GSDMA: variants seen among roughly 807,000 people sequenced by gnomAD.
GSDMA encodes gasdermin-A.
In GSDMA, 55 loss-of-function variants were observed where a neutral mutation model predicts 54.3. That is an observed-to-expected ratio of 1.01 (90% CI 0.82 to 1.27). GSDMA has a LOEUF of 1.27. Ranked by LOEUF, GSDMA falls within the 50% of genes most tolerant of loss-of-function variation. The pLI is 0.00. For missense variants in GSDMA, 542 were observed against 542.6 expected (o/e 1.00, Z 0.01); for synonymous variants, 211 against 224.7 (o/e 0.94, Z 0.54).
In GSDMA at chr17:39,970,633, C is replaced by T. The variant is rs553099772; in HGVS notation, c.544C>T (p.Pro182Ser). The change falls in exon 4 of 12, where the codon CCA becomes TCA. Residue 182 changes from proline (P) to serine (S), a missense_variant. By Grantham distance (74) the Pro-to-Ser change is moderately conservative. Coordinates refer to ENST00000301659, the MANE Select transcript of GSDMA (RefSeq NM_178171.5). The part of the protein sequence containing the change: ...EACFSLPFFA[P>S]LGLQGSINHK... The stretch of plus-strand genomic sequence containing the variant: ...CTGCTTCTCCCTCCCCTTCTTCGCC[C>T]CATTGGGGCTACAGGTTTGATTCAA... 2.8e-4 allele frequency: 440 copies of T among 1,546,252 alleles called. 9 individuals carry two copies. The South Asian group carries it at 4.9e-3, about 17-fold the overall frequency.
intron 9 of GSDMA, 111 bp downstream of exon 9, chr17:39,974,538 G>T (rs139116818): frequency 1.6e-6 from 2 of 1,223,434 alleles, no homozygotes; most frequent in East Asian, 5.1e-5. Flanking sequence ...CAGGAGGTGG[G>T]TGGCCAGGGG....
At chr17:39,972,938 C>T (rs1236751977) in intron 7 of GSDMA, among the ~76,000 whole-genome samples, 2 of 151,990 alleles carry the variant, frequency 1.3e-5, no homozygotes, top group African/African-American at 4.8e-5. Context: ...CAAGACCAGC[C>T]TGGGCAACAT....
At chr17:39,974,703 T>C (rs1051828343) in intron 9 of GSDMA, among the ~76,000 whole-genome samples, 197 bp from the exon 10 acceptor site, 1 of 152,170 alleles carries the variant, frequency 6.6e-6, no homozygotes, top group Non-Finnish European at 1.5e-5. Context: ...CTGGAGGGGC[T>C]GGAACCTTCT....
Position 39,976,274 on chromosome 17 carries a change from A to G in GSDMA, c.1095+277A>G, listed in dbSNP as rs202135368. ...TTATTCCTAGCCAAATATTGTAAGC[A>G]AATTTTTTTTTTTTTTTTTTTGAGA... On this transcript the variant is annotated intron_variant, in intron 11 of 11. Transcript: ENST00000301659. Among the ~76,000 whole-genome samples the G allele has an allele frequency of 1.6e-4, 15 of 91,756 alleles. 1 individual carries two copies. The East Asian group carries it at 4.6e-3, about 28-fold the overall frequency. 60.2% of individuals were successfully genotyped at this position (91,756 alleles called of 152,430 possible).
At chr17:39,966,497 G>A in intron 3 of GSDMA, 60 bp downstream of exon 3, 1 of 1,427,882 alleles carries the variant, frequency 7.0e-7, no homozygotes, top group Non-Finnish European at 9.5e-7. Flanking sequence ...CATGGAAATG[G>A]TGCTTGGGGC....
rs1261526905 is a variant in GSDMA, at chr17:39,966,255, T to C, written c.215-5T>C. ...CCAGCCCCTTTTGTCTTTTCCCTCC[T>C]GCAGACCCAACAGACACTGGGAATT... On this transcript the variant is annotated splice_region_variant and splice_polypyrimidine_tract_variant and intron_variant, in intron 2 of 11. Coordinates refer to ENST00000301659, the MANE Select transcript of GSDMA (RefSeq NM_178171.5). 1 of 1,613,904 alleles carries C rather than the reference T, an allele frequency of 6.2e-7. No individual in the cohort carries two copies. The highest frequency in any genetic ancestry group is 1.7e-5 in the Admixed American group (1 of 60,004).
In GSDMA at chr17:39,965,700, G is replaced by A. The variant is rs1182490157; in HGVS notation, c.13G>A (p.Glu5Lys). 4 of 1,605,964 alleles carry A rather than the reference G, an allele frequency of 2.5e-6. No individual in the cohort carries two copies. In the African/African-American group the frequency reaches 4.0e-5, roughly 16 times the overall value. Residue 5 changes from glutamate to lysine, a missense_variant, in exon 2 of 12, where the codon GAA becomes AAA. By Grantham distance (56) the Glu-to-Lys change is moderately conservative (BLOSUM62 1). Transcript: ENST00000301659. The stretch of plus-strand genomic sequence containing the variant: ...CTCCACAGAGACAATGACCATGTTT[G>A]AAAATGTCACCCGGGCCCTGGCCAG... MTMF[E>K]NVTRALARQL...
Position 39,972,182 on chromosome 17 carries a change from T to A in GSDMA, c.703+6T>A. ...GCAAACCTTCCCTCCTGGAGGTAAG[T>A]GAAATTGCTTACGGGCTTCCCACAT... On this transcript the variant is annotated splice_donor_region_variant and intron_variant, in intron 6 of 11. Coordinates refer to ENST00000301659, the MANE Select transcript of GSDMA (RefSeq NM_178171.5). 1 of 1,578,738 alleles carries A rather than the reference T, an allele frequency of 6.3e-7. No individual in the cohort carries two copies. Among genetic ancestry groups the A allele is most frequent in the Non-Finnish European group, 8.6e-7 (1 of 1,158,726 alleles).
At chr17:39,965,571 C>T (rs2144783447) in intron 1 of GSDMA, 112 bp from the exon 2 acceptor site, 2 of 727,644 alleles carry the variant, frequency 2.7e-6, no homozygotes, top group Non-Finnish European at 4.7e-6. Context: ...CTAAGAGCTC[C>T]TCCTGCCTCA....
At chr17:39,964,479 GA>G (rs1470304138) in intron 1 of GSDMA, among the ~76,000 whole-genome samples, 25 of 152,116 alleles carry the variant, frequency 1.6e-4, no homozygotes, top group African/African-American at 6.0e-4. Flanking sequence ...TGAGGCAGGA[GA>G]ATCGCTTGAA....
intron 11 of GSDMA, 75 bp from the exon 12 acceptor site, chr17:39,976,741 C>A (rs1980215197): frequency 6.3e-7 from 1 of 1,576,086 alleles, no homozygotes; most frequent in Non-Finnish European, 8.7e-7. Flanking sequence ...ATGTAACCTT[C>A]TTGTGATTTT....
In GSDMA at chr17:39,977,294, T is replaced by TC; in HGVS notation, c.*236_*237insC. 1 of 146,006 alleles carries TC rather than the reference T, an allele frequency of 6.8e-6. No homozygotes were observed. The highest frequency in any genetic ancestry group is 1.2e-4 in the East Asian group (1 of 8,202). 9.0% of individuals were successfully genotyped at this position (146,006 alleles called of 1,614,324 possible). ...TAAATTTTCTTTACTTTTCTTTTCT[T>TC]TTTTTTTTTTTTTTTGAGATGGAGG... On this transcript the variant is annotated 3_prime_UTR_variant, in exon 12 of 12. Coordinates refer to ENST00000301659, the MANE Select transcript of GSDMA (RefSeq NM_178171.5).
intron 4 of GSDMA, 22 bp downstream of exon 4, chr17:39,970,669 A>T: frequency 7.1e-7 from 1 of 1,416,350 alleles, no homozygotes; most frequent in Non-Finnish European, 9.3e-7. Context: ...ACACACACAC[A>T]CACACACACA....
In GSDMA at chr17:39,970,548, G is replaced by C; in HGVS notation, c.459G>C (p.Val153=). The part of the protein sequence containing the change: ...MQDQGENLYV[V]MEVVETVQEV... The stretch of plus-strand genomic sequence containing the variant: ...ATCAAGGGGAGAACCTGTATGTGGT[G>C]ATGGAGGTGGTGGAGACGGTGCAGG... The change falls in exon 4 of 12, where the codon GTG becomes GTC. Residue 153 remains valine, a synonymous_variant. Coordinates refer to ENST00000301659, the MANE Select transcript of GSDMA (RefSeq NM_178171.5). 1.2e-6 allele frequency: 2 copies of C among 1,609,594 alleles called. No individual in the cohort carries two copies. The highest frequency in any genetic ancestry group is 2.2e-5 in the South Asian group (2 of 90,560).
rs1474816553 is a variant in GSDMA, at chr17:39,974,346, C to T, written c.825C>T (p.Ser275=). 4 of 1,606,856 alleles carry T rather than the reference C, an allele frequency of 2.5e-6. No individual in the cohort carries two copies. Among genetic ancestry groups the T allele is most frequent in the Non-Finnish European group, 3.4e-6 (4 of 1,176,742 alleles). Residue 275 remains serine, a synonymous_variant, in exon 9 of 12, where the codon AGC becomes AGT. Coordinates refer to ENST00000301659, the MANE Select transcript of GSDMA (RefSeq NM_178171.5). ...QRETQQVEKL[S]RVGQSSLLSS... ...AGACCCAACAAGTGGAGAAGCTGAG[C>T]CGAGTAGGGCAAAGCTCCCTGCTCA...
Position 39,974,364 on chromosome 17 carries a change from C to T in GSDMA, c.843C>T (p.Ser281=), listed in dbSNP as rs2144796822. 2 of 1,602,278 alleles carry T rather than the reference C, an allele frequency of 1.2e-6. No individual in the cohort carries two copies. The highest frequency in any genetic ancestry group is 1.7e-6 in the Non-Finnish European group (2 of 1,174,384). ...VEKLSRVGQS[S]LLSSLSKLLG... ...AGCTGAGCCGAGTAGGGCAAAGCTC[C>T]CTGCTCAGCTCCCTCAGCAAACTTC... The change falls in exon 9 of 12, where the codon TCC becomes TCT. Residue 281 remains serine (S), a synonymous_variant. Coordinates refer to ENST00000301659, the MANE Select transcript of GSDMA (RefSeq NM_178171.5).
chr17:39,968,284 C>G (rs971512901), intron 3 of GSDMA, among the ~76,000 whole-genome samples: 2 of 150,210 alleles, frequency 1.3e-5, no homozygotes, highest in African/African-American at 4.9e-5. Context: ...AGGTGATCCG[C>G]CTGCCTCAGC....
At chr17:39,968,075 T>C (rs979910441) in intron 3 of GSDMA, among the ~76,000 whole-genome samples, 8 of 152,112 alleles carry the variant, frequency 5.3e-5, no homozygotes, top group Admixed American at 4.6e-4. Context: ...GCTAGGCTGA[T>C]CTCGAACTCC....
intron 7 of GSDMA, 116 bp from the exon 8 acceptor site, chr17:39,973,694 C>G (rs1980064348): frequency 1.2e-6 from 1 of 846,918 alleles, no homozygotes; most frequent in African/African-American, 1.7e-5. Context: ...TAGCTGGGCT[C>G]TCCCAGGAGA....
Sources: allele counts gnomAD v4.1 joint callset (sites outside exome capture counted in the v4.1 genomes callset), GRCh38; gene constraint gnomAD v4.1.1; transcripts MANE v1.5; gene names NCBI Gene and HGNC (gene_info 2026-07-23, HGNC 2026-07-21).